CPPED1: variants seen among roughly 807,000 people sequenced by gnomAD.
The protein encoded by CPPED1 is serine/threonine-protein phosphatase CPPED1.
A neutral mutation model predicts 28.0 loss-of-function variants in CPPED1; 28 were observed. The observed-to-expected ratio is 1.00, with a 90% confidence interval of 0.74 to 1.37. CPPED1 has a LOEUF of 1.37. Ranked by LOEUF, CPPED1 falls within the 40% of genes most tolerant of loss-of-function variation. CPPED1 has a pLI of 0.00. For missense variants in CPPED1, 504 were observed against 416.5 expected (o/e 1.21, Z -1.83); for synonymous variants, 198 against 180.2 (o/e 1.10, Z -0.79).
At chr16:12,741,777 G>T (rs146589722) in intron 2 of CPPED1, among the ~76,000 whole-genome samples, 1 of 152,130 alleles carries the variant, frequency 6.6e-6, no homozygotes, top group Non-Finnish European at 1.5e-5. Context: ...CTGACCTGGC[G>T]TGGTGGTTCA....
At chr16:12,693,974 G>T (rs1293537734) in intron 3 of CPPED1, among the ~76,000 whole-genome samples, 2 of 152,202 alleles carry the variant, frequency 1.3e-5, no homozygotes, top group African/African-American at 4.8e-5. Context: ...GAGGGGCTGA[G>T]GTGGGCGGGT....
intron 1 of CPPED1, among the ~76,000 whole-genome samples, chr16:12,785,839 C>T (rs1355118330): frequency 1.3e-5 from 2 of 151,940 alleles, no homozygotes; most frequent in African/African-American, 2.4e-5. Flanking sequence ...TGGAAACCCT[C>T]TGGAAGCACT....
chr16:12,768,545 T>G (rs1021509220), intron 2 of CPPED1, among the ~76,000 whole-genome samples: 1 of 152,214 alleles, frequency 6.6e-6, no homozygotes, highest in Non-Finnish European at 1.5e-5. Flanking sequence ...AATAGCCACA[T>G]GTTGACCATG....
intron 3 of CPPED1, among the ~76,000 whole-genome samples, chr16:12,680,207 C>T (rs1381117957): frequency 6.6e-6 from 1 of 152,162 alleles, no homozygotes. Context: ...CTGCATTTCT[C>T]CCATCTCCCT....
intron 2 of CPPED1, among the ~76,000 whole-genome samples, chr16:12,774,663 G>T (rs2080487467): frequency 6.6e-6 from 1 of 152,172 alleles, no homozygotes; most frequent in Non-Finnish European, 1.5e-5. Context: ...GTAATCCCCA[G>T]TGTGGCAGTT....
At chr16:12,778,155 C>A (rs1451485488) in intron 2 of CPPED1, among the ~76,000 whole-genome samples, 1 of 151,852 alleles carries the variant, frequency 6.6e-6, no homozygotes, top group Non-Finnish European at 1.5e-5. Flanking sequence ...AGTGATCCAC[C>A]CACCTCGGCC....
rs568493876 is a variant in CPPED1 at position 12,685,265 on chromosome 16, C to T, written c.715+19359G>A. On this transcript the variant is annotated intron_variant, in intron 3 of 3. Transcript: ENST00000381774. The stretch of plus-strand genomic sequence containing the variant: ...AGGAGTTTGAGACCAGCCTGGCCAA[C>T]ATGGTGAAACCCCATCTCTACCAAA... 2.0e-5 allele frequency among the ~76,000 whole-genome samples: 3 copies of T among 152,292 alleles called. No individual in the cohort carries two copies. In the South Asian group the frequency reaches 6.2e-4, roughly 32 times the overall value.
At chr16:12,765,438 T>C (rs1472058485) in intron 2 of CPPED1, among the ~76,000 whole-genome samples, 2 of 152,198 alleles carry the variant, frequency 1.3e-5, no homozygotes, top group African/African-American at 4.8e-5. Context: ...ATATAATTAA[T>C]AAAAGAGATT....
At chr16:12,689,503 T>C (rs932985340) in intron 3 of CPPED1, among the ~76,000 whole-genome samples, 1 of 151,838 alleles carries the variant, frequency 6.6e-6, no homozygotes, top group Admixed American at 6.6e-5. Flanking sequence ...TCACTGGGAT[T>C]ACACGTGAGA....
intron 3 of CPPED1, among the ~76,000 whole-genome samples, chr16:12,673,164 G>A (rs1045745565): frequency 3.9e-5 from 6 of 152,138 alleles, no homozygotes; most frequent in Non-Finnish European, 8.8e-5. Flanking sequence ...TGGGTTGGGC[G>A]CCTGATGGGT....
At chr16:12,757,283 G>A (rs894708954) in intron 2 of CPPED1, among the ~76,000 whole-genome samples, 4 of 152,226 alleles carry the variant, frequency 2.6e-5, no homozygotes, top group Admixed American at 2.6e-4. Context: ...AACCAGGCTG[G>A]TTGGTCACCC....
chr16:12,802,169 GT>G (rs978579284), intron 1 of CPPED1, among the ~76,000 whole-genome samples: 70 of 152,296 alleles, frequency 4.6e-4, no homozygotes, highest in African/African-American at 1.6e-3. Context: ...AGGGAGAAAG[GT>G]TTGGAGAGGC....
chr16:12,803,689 G>C lies in CPPED1; in HGVS notation c.70+18C>G. The stretch of plus-strand genomic sequence containing the variant: ...CGCAGCCCCAGAGTCCCCTCCCCGG[G>C]TGAGGGGCGGGCAGTACCTGCGGGA... On this transcript the variant is annotated intron_variant, in intron 1 of 3. Coordinates refer to ENST00000381774, the MANE Select transcript of CPPED1 (RefSeq NM_018340.3). 1.3e-6 allele frequency: 2 copies of C among 1,538,564 alleles called. No homozygotes were observed. The highest frequency in any genetic ancestry group is 1.8e-6 in the Non-Finnish European group (2 of 1,142,672).
intron 3 of CPPED1, among the ~76,000 whole-genome samples, chr16:12,703,335 C>T (rs932760243): frequency 6.6e-6 from 1 of 152,202 alleles, no homozygotes; most frequent in Non-Finnish European, 1.5e-5. Flanking sequence ...CCTGTAATCC[C>T]AGCACTGTAT....
At position 12,666,471 on chromosome 16, in the gene CPPED1, T is replaced by G. The variant is rs575660189; in HGVS notation, c.716-1356A>C. ...ACGGAAGGAGGCTGAAGAACGCTGC[T>G]GCTGCCTGGGGCTGGGGAAGTGGTA... On this transcript the variant is annotated intron_variant, in intron 3 of 3. Coordinates refer to ENST00000381774, the MANE Select transcript of CPPED1 (RefSeq NM_018340.3). 5.3e-5 allele frequency among the ~76,000 whole-genome samples: 8 copies of G among 152,372 alleles called. 1 individual carries two copies. In the South Asian group the frequency reaches 1.7e-3, roughly 32 times the overall value.
intron 3 of CPPED1, among the ~76,000 whole-genome samples, chr16:12,696,989 T>C (rs188753333): frequency 3.3e-5 from 5 of 152,278 alleles, no homozygotes; most frequent in African/African-American, 1.2e-4. Context: ...ATCTGCACAG[T>C]ACTCATACTA....
intron 2 of CPPED1, among the ~76,000 whole-genome samples, chr16:12,749,511 C>A (rs1223396095): frequency 6.6e-6 from 1 of 152,200 alleles, no homozygotes; most frequent in Non-Finnish European, 1.5e-5. Context: ...CCTTCGAAGT[C>A]ATCCATGATG....
At chr16:12,741,168 G>A (rs781615236) in intron 2 of CPPED1, among the ~76,000 whole-genome samples, 43 of 152,150 alleles carry the variant, frequency 2.8e-4, no homozygotes, top group Admixed American at 6.5e-4. Flanking sequence ...AATATAGTGG[G>A]CAGGACGGCA....
At chr16:12,721,015 G>T (rs78247606) in intron 2 of CPPED1, among the ~76,000 whole-genome samples, 5,125 of 152,224 alleles carry the variant, frequency 0.034, 128 homozygotes, top group East Asian at 0.1. Flanking sequence ...AGATGGATAG[G>T]ATGAGCTCTT....
Sources: gnomAD v4.1 joint callset for allele counts (sites outside exome capture counted in the v4.1 genomes callset) on GRCh38, gnomAD v4.1.1 for gene constraint, MANE v1.5 for transcripts, NCBI Gene and HGNC (gene_info 2026-07-23, HGNC 2026-07-21) for gene names.